ADGRV1: variants seen among roughly 807,000 people sequenced by gnomAD.
The protein encoded by ADGRV1 is adhesion G protein-coupled receptor V1.
Under a neutral mutation model 596.2 loss-of-function variants are expected in ADGRV1, and 359 were observed. That is an observed-to-expected ratio of 0.60 (90% CI 0.55 to 0.66). ADGRV1 has a LOEUF of 0.66. ADGRV1 is among the 30% of genes least tolerant of loss of function. The probability of loss-of-function intolerance (pLI) is 0.00; values close to 1 mark genes in which losing one functional copy is unlikely to be tolerated. For missense variants in ADGRV1, 7,274 were observed against 7,575.6 expected (o/e 0.96, Z 1.48); for synonymous variants, 2,681 against 2,679.2 (o/e 1.00, Z -0.02).
At chr5:90,813,715 G>A (rs1191158896) in intron 74 of ADGRV1, among the ~76,000 whole-genome samples, 1 of 152,066 alleles carries the variant, frequency 6.6e-6, no homozygotes, top group Non-Finnish European at 1.5e-5. Context: ...TCCTTTACCT[G>A]CAAATGTTGC....
At chr5:90,695,775 A>G (rs894526707) in intron 33 of ADGRV1, among the ~76,000 whole-genome samples, 18 of 152,012 alleles carry the variant, frequency 1.2e-4, no homozygotes, top group African/African-American at 4.3e-4. Context: ...TGATTTGAGG[A>G]TTTAGTGGGA....
chr5:90,998,118 T>A (rs1487399421), intron 85 of ADGRV1, among the ~76,000 whole-genome samples: 1 of 152,232 alleles, frequency 6.6e-6, no homozygotes, highest in East Asian at 1.9e-4. Context: ...GCACTCATGT[T>A]TGACATAAAG....
chr5:90,779,779 G>A (rs1237388090), intron 64 of ADGRV1: 1 of 152,182 alleles, frequency 6.6e-6, no homozygotes, highest in Non-Finnish European at 1.5e-5. Flanking sequence ...TGCCCAGATA[G>A]CAGATAGGTG....
At chr5:90,957,236 G>T (rs1452338719) in intron 83 of ADGRV1, among the ~76,000 whole-genome samples, 1 of 152,038 alleles carries the variant, frequency 6.6e-6, no homozygotes, top group Non-Finnish European at 1.5e-5. Flanking sequence ...AAAAAGAAGT[G>T]ATCTCTAAAT....
At chr5:90,574,181 T>C (rs563820028) in intron 1 of ADGRV1, among the ~76,000 whole-genome samples, 3 of 151,734 alleles carry the variant, frequency 2.0e-5, no homozygotes, top group Non-Finnish European at 2.9e-5. Flanking sequence ...TTTTTTTTTT[T>C]AAATTCTGTG....
At chr5:90,995,063 A>C (rs759383144) in intron 85 of ADGRV1, among the ~76,000 whole-genome samples, 38 of 152,212 alleles carry the variant, frequency 2.5e-4, no homozygotes, top group Non-Finnish European at 4.8e-4. Context: ...ATGGCATTTT[A>C]AATTCCCAGG....
chr5:90,771,425 C>G (rs1200069623), intron 59 of ADGRV1, among the ~76,000 whole-genome samples: 1 of 152,128 alleles, frequency 6.6e-6, no homozygotes, highest in Non-Finnish European at 1.5e-5. Flanking sequence ...TTAATCTAAA[C>G]AAAGGCTCTG....
At chr5:90,618,109 G>T (rs1297711550) in intron 3 of ADGRV1, among the ~76,000 whole-genome samples, 156 bp downstream of exon 3, 2 of 152,152 alleles carry the variant, frequency 1.3e-5, no homozygotes, top group African/African-American at 2.4e-5. Flanking sequence ...CCTCTTCAGC[G>T]CTTCCACAAT....
At chr5:90,633,958 T>TC (rs1200696712) in intron 9 of ADGRV1, among the ~76,000 whole-genome samples, 2 of 152,186 alleles carry the variant, frequency 1.3e-5, no homozygotes, top group Admixed American at 1.3e-4. Context: ...TCAGTACCAG[T>TC]CCTGTCCACG....
At chr5:91,070,113 G>C (rs1442656368) in intron 85 of ADGRV1, among the ~76,000 whole-genome samples, 1 of 152,154 alleles carries the variant, frequency 6.6e-6, no homozygotes, top group Non-Finnish European at 1.5e-5. Flanking sequence ...AGATGGGAAA[G>C]GGATGGAGGG....
chr5:90,902,614 TCTTA>T (rs1771950803), intron 83 of ADGRV1, among the ~76,000 whole-genome samples: 1 of 152,186 alleles, frequency 6.6e-6, no homozygotes, highest in Non-Finnish European at 1.5e-5. Context: ...GCAATTGTTG[TCTTA>T]CTTGTGCAAT....
intron 85 of ADGRV1, among the ~76,000 whole-genome samples, chr5:91,002,854 A>G (rs1781960476): frequency 1.3e-5 from 2 of 152,212 alleles, no homozygotes; most frequent in African/African-American, 2.4e-5. Context: ...TAATAGCCCA[A>G]TTAACAGTGA....
At chr5:91,080,588 CAAAAAAAAAA>C (rs10696264) in intron 86 of ADGRV1, among the ~76,000 whole-genome samples, 2 of 84,486 alleles carry the variant, frequency 2.4e-5, no homozygotes, top group Non-Finnish European at 4.4e-5. Context: ...GCACACCCTG[CAAAAAAAAAA>C]AAAAAAAAAA....
chr5:90,623,818 G>A (rs1431324703), intron 5 of ADGRV1, among the ~76,000 whole-genome samples: 2 of 152,122 alleles, frequency 1.3e-5, no homozygotes, highest in Non-Finnish European at 1.5e-5. Context: ...AATATGATAA[G>A]CTGTAGGTGA....
At position 90,716,249 on chromosome 5, in the gene ADGRV1, G is replaced by A. The variant is rs541720623; in HGVS notation, c.9185-218G>A. On this transcript the variant is annotated intron_variant, in intron 42 of 89. Transcript: ENST00000405460. Reference sequence around the variant, plus strand: ...GATACTGCTTCATCAGGTTAAGGAAGCTGCCTTTTATCCCAAGATTACTGA... The same window carrying A: ...GATACTGCTTCATCAGGTTAAGGAAACTGCCTTTTATCCCAAGATTACTGA... Among the ~76,000 whole-genome samples, 9 of 152,288 alleles carry A rather than the reference G, an allele frequency of 5.9e-5. 1 individual carries two copies. In the South Asian group the frequency reaches 1.7e-3, roughly 28 times the overall value.
intron 43 of ADGRV1, among the ~76,000 whole-genome samples, chr5:90,719,389 G>T (rs1454823380): frequency 6.6e-6 from 1 of 151,876 alleles, no homozygotes; most frequent in African/African-American, 2.4e-5. Context: ...ATCATCACCC[G>T]GAAGATTCCC....
chr5:90,847,767 T>C (rs1057066604), intron 78 of ADGRV1, among the ~76,000 whole-genome samples: 38 of 152,306 alleles, frequency 2.5e-4, no homozygotes, highest in African/African-American at 8.4e-4. Context: ...GGCCGCTGAA[T>C]GCGGGGCCCA....
At chr5:90,661,559 G>C (rs1770297428) in intron 21 of ADGRV1, among the ~76,000 whole-genome samples, 1 of 152,088 alleles carries the variant, frequency 6.6e-6, no homozygotes, top group Non-Finnish European at 1.5e-5. Context: ...CAATAGAGAA[G>C]GCCAATTCAT....
intron 25 of ADGRV1, among the ~76,000 whole-genome samples, chr5:90,679,143 T>G (rs973594021): frequency 2.6e-5 from 4 of 152,192 alleles, no homozygotes; most frequent in African/African-American, 7.2e-5. Context: ...AATATTGAAC[T>G]GGTTGTTGTG....
Sources: allele counts gnomAD v4.1 joint callset (sites outside exome capture counted in the v4.1 genomes callset), GRCh38; gene constraint gnomAD v4.1.1; transcripts MANE v1.5; gene names NCBI Gene and HGNC (gene_info 2026-07-23, HGNC 2026-07-21).